The following APP variants were observed in gnomAD, a reference collection of about 807,000 sequenced individuals.
APP encodes amyloid beta precursor protein.
Under a neutral mutation model 101.4 loss-of-function variants are expected in APP, and 31 were observed. The observed-to-expected ratio is 0.31, with a 90% confidence interval of 0.23 to 0.41. APP has a LOEUF of 0.41. Among genes scored for constraint, APP ranks in the 10% least tolerant of loss-of-function variants. The probability of loss-of-function intolerance (pLI) is 1.00; values close to 1 mark genes in which losing one functional copy is unlikely to be tolerated. For synonymous variants in APP, 366 were observed against 364.4 expected (o/e 1.00, Z -0.05); for missense variants, 839 against 1,003.7 (o/e 0.84, Z 2.22).
At chr21:25,886,928 C>T (rs942571510) in intron 17 of APP, among the ~76,000 whole-genome samples, 16 of 151,878 alleles carry the variant, frequency 1.1e-4, no homozygotes, top group Non-Finnish European at 7.3e-5. Context: ...ATACAGTCAC[C>T]AGTGTGACAG....
At position 25,897,641 on chromosome 21, in the gene APP, T is replaced by G; in HGVS notation, c.1996A>C (p.Ile666Leu). Residue 666 changes from isoleucine (I) to leucine (L), a missense_variant, in exon 16 of 18, where the codon ATC becomes CTC. By Grantham distance (5) the Ile-to-Leu change is conservative. Coordinates refer to ENST00000346798, the MANE Select transcript of APP (RefSeq NM_000484.4). Reference protein sequence around the residue: ...SGLTNIKTEEISEVKMDAEFR... With the variant: ...SGLTNIKTEELSEVKMDAEFR... ...TCTGCATCCATCTTCACTTCAGAGA[T>G]CTCCTCCGTCTTGATATTTGTCAAC... The G allele has an allele frequency of 6.2e-7, 1 of 1,613,972 alleles. No homozygotes were observed.
chr21:25,982,538 C>T (rs1178242504), intron 8 of APP, 61 bp from the exon 9 acceptor site: 2 of 1,522,658 alleles, frequency 1.3e-6, no homozygotes, highest in East Asian at 2.3e-5. Context: ...GAATAATCCA[C>T]TCGTTTAATA....
At chr21:26,161,878 T>G (rs924805568) in intron 1 of APP, among the ~76,000 whole-genome samples, 1 of 152,162 alleles carries the variant, frequency 6.6e-6, no homozygotes, top group Admixed American at 6.5e-5. Flanking sequence ...AAACTTTGCA[T>G]CGGTTTTAAA....
In APP at chr21:25,916,590, C is replaced by T. The variant is rs548296747; in HGVS notation, c.1688-4628G>A. 5.3e-5 allele frequency among the ~76,000 whole-genome samples: 8 copies of T among 152,286 alleles called. No individual in the cohort carries two copies. The South Asian group carries it at 1.7e-3, about 32-fold the overall frequency. On this transcript the variant is annotated intron_variant, in intron 13 of 17. Coordinates refer to ENST00000346798, the MANE Select transcript of APP (RefSeq NM_000484.4). ...AACCACACTTCCACTACATTAGTGG[C>T]CCTGATGGATTATCCTTTTATCTGA...
At chr21:26,127,843 A>G (rs1449460711) in intron 1 of APP, among the ~76,000 whole-genome samples, 1 of 152,202 alleles carries the variant, frequency 6.6e-6, no homozygotes, top group East Asian at 1.9e-4. Context: ...AGCTAATCAT[A>G]TTGTCTCAAC....
At chr21:26,078,745 TA>T (rs567205911) in intron 3 of APP, among the ~76,000 whole-genome samples, 3 of 152,116 alleles carry the variant, frequency 2.0e-5, no homozygotes, top group Admixed American at 6.5e-5. Context: ...CTTGAATGGT[TA>T]AAAAAAACAT....
chr21:26,004,924 T>C (rs143064244), intron 6 of APP, among the ~76,000 whole-genome samples: 2,069 of 152,044 alleles, frequency 0.014, 44 homozygotes, highest in African/African-American at 0.046. Flanking sequence ...GTCCTTGTGA[T>C]AGTCTGCTGA....
chr21:26,037,085 T>C (rs2045149838), intron 5 of APP, among the ~76,000 whole-genome samples: 1 of 152,302 alleles, frequency 6.6e-6, no homozygotes, highest in East Asian at 1.9e-4. Context: ...TGGATGGAAC[T>C]GGAGGACATA....
At chr21:26,167,086 T>C (rs991623248) in intron 1 of APP, among the ~76,000 whole-genome samples, 2 of 152,222 alleles carry the variant, frequency 1.3e-5, no homozygotes, top group African/African-American at 4.8e-5. Flanking sequence ...TCCAGGATTA[T>C]CTATGATCTC....
At chr21:26,158,922 G>A (rs573179370) in intron 1 of APP, among the ~76,000 whole-genome samples, 3 of 152,226 alleles carry the variant, frequency 2.0e-5, no homozygotes, top group African/African-American at 7.2e-5. Context: ...CCACTGGACT[G>A]CGGAATTCCT....
chr21:26,013,454 C>T (rs1346151206), intron 6 of APP, among the ~76,000 whole-genome samples: 2 of 149,440 alleles, frequency 1.3e-5, no homozygotes, highest in African/African-American at 2.5e-5. Flanking sequence ...GAGTTGAGTA[C>T]AGTTATTGTG....
intron 1 of APP, among the ~76,000 whole-genome samples, chr21:26,154,708 G>A (rs555868894): frequency 2.2e-4 from 33 of 152,276 alleles, no homozygotes; most frequent in African/African-American, 7.7e-4. Flanking sequence ...ACAGGGACTG[G>A]GCTCTTGATC....
chr21:26,072,593 C>T (rs1184529658), intron 3 of APP, among the ~76,000 whole-genome samples: 2 of 151,922 alleles, frequency 1.3e-5, no homozygotes, highest in Non-Finnish European at 2.9e-5. Flanking sequence ...GGGATTTATG[C>T]TTGATTCATT....
At chr21:26,170,931 C>G (rs1010157524), upstream of APP, 6 of 274,140 alleles carry the variant, frequency 2.2e-5, no homozygotes, top group Non-Finnish European at 4.1e-5. Flanking sequence ...TGCACGCGCC[C>G]TTGGCGCCGC....
In APP at chr21:26,010,820, C is replaced by CAAAA. The variant is rs58036272; in HGVS notation, c.866-10642_866-10639dup. On this transcript the variant is annotated intron_variant, in intron 6 of 17. Transcript: ENST00000346798. ...TGGGTGACAGAGTGAGACTTCGTCT[C>CAAAA]AAAAAAAAAAAAAAAAAAAAAAGCA... is the stretch of plus-strand genomic sequence containing the variant. Among the ~76,000 whole-genome samples the CAAAA allele has an allele frequency of 5.2e-3, 279 of 54,008 alleles. 5 individuals are homozygous for CAAAA. The highest frequency in any genetic ancestry group is 0.019 in the Middle Eastern group (1 of 52). The allele number at this position is 54,008 out of a possible 152,430, so 35.4% of individuals were successfully genotyped here. A position where few individuals can be genotyped will look rare whatever the true frequency, so the allele number is the denominator to read the frequency against.
At chr21:26,148,707 G>T (rs553748529) in intron 1 of APP, among the ~76,000 whole-genome samples, 1 of 152,276 alleles carries the variant, frequency 6.6e-6, no homozygotes, top group Non-Finnish European at 1.5e-5. Context: ...TTCTGAAGGG[G>T]CCAACAAATG....
chr21:25,935,639 A>G (rs2040328242), intron 13 of APP, among the ~76,000 whole-genome samples: 1 of 152,052 alleles, frequency 6.6e-6, no homozygotes, highest in Non-Finnish European at 1.5e-5. Flanking sequence ...CAGGAATTCG[A>G]GACCAGCCCG....
At chr21:26,117,523 G>A (rs1208751840) in intron 1 of APP, among the ~76,000 whole-genome samples, 1 of 152,178 alleles carries the variant, frequency 6.6e-6, no homozygotes, top group East Asian at 1.9e-4. Context: ...ATAAGAGGGA[G>A]GAAAGGGCAC....
intron 2 of APP, among the ~76,000 whole-genome samples, chr21:26,097,446 C>T (rs1351154398): frequency 6.6e-6 from 1 of 152,128 alleles, no homozygotes; most frequent in East Asian, 1.9e-4. Flanking sequence ...ACATTAAGTT[C>T]CCTTTGGGTA....
Sources: gnomAD v4.1 joint callset for allele counts (sites outside exome capture counted in the v4.1 genomes callset) on GRCh38, gnomAD v4.1.1 for gene constraint, MANE v1.5 for transcripts, NCBI Gene and HGNC (gene_info 2026-07-23, HGNC 2026-07-21) for gene names.